The following SLCO3A1 variants were observed in gnomAD, a reference collection of about 807,000 sequenced individuals.
SLCO3A1 encodes the protein solute carrier organic anion transporter family member 3A1, also known as PGE1 transporter.
Under a neutral mutation model 63.1 loss-of-function variants are expected in SLCO3A1, and 27 were observed. The observed-to-expected ratio is 0.43, with a 90% CI of 0.32 to 0.59. The LOEUF is 0.59. Ranked by LOEUF, SLCO3A1 falls within the 20% of genes least tolerant of loss-of-function variation. The probability of loss-of-function intolerance (pLI) is 0.09; values close to 1 mark genes in which losing one functional copy is unlikely to be tolerated. For missense variants in SLCO3A1, 773 were observed against 945.8 expected, an observed-to-expected ratio of 0.82 and a Z score of 2.40; for synonymous variants, 473 against 409.9, an observed-to-expected ratio of 1.15 and a Z score of -1.86.
At chr15:91,986,583 A>G (rs942627241) in intron 2 of SLCO3A1, among the ~76,000 whole-genome samples, 11 of 151,690 alleles carry the variant, frequency 7.3e-5, no homozygotes, top group Non-Finnish European at 1.3e-4. Flanking sequence ...AGACGTTTAC[A>G]TTCTTTTAAA....
intron 1 of SLCO3A1, among the ~76,000 whole-genome samples, chr15:91,873,071 A>G (rs1191992607): frequency 6.6e-6 from 1 of 152,254 alleles, no homozygotes; most frequent in Non-Finnish European, 1.5e-5. Context: ...ACAAAATTAC[A>G]GAGTGTTCTG....
In SLCO3A1 at chr15:92,147,152, C is replaced by G; in HGVS notation, c.1681C>G (p.Leu561Val). The G allele has an allele frequency of 3.1e-6, 5 of 1,612,530 alleles. No individual in the cohort carries two copies. Among genetic ancestry groups the G allele is most frequent in the Non-Finnish European group, 4.2e-6 (5 of 1,179,056 alleles). The change falls in exon 8 of 10, where the codon CTC (leucine) becomes GTC (valine). Residue 561 changes from leucine (L) to valine (V), a missense_variant. Physicochemically the swap from Leu to Val is conservative, Grantham distance 32. Around this residue, in one of 3 missense-constraint regions of SLCO3A1, gnomAD observed 565 missense variants for 749.8 expected, o/e 0.75. Coordinates refer to ENST00000318445, the MANE Select transcript of SLCO3A1 (RefSeq NM_013272.4). ...AMAQTPSVIILIRTVSPELKS... is the reference protein window; with the variant it reads ...AMAQTPSVIIVIRTVSPELKS... ...GGCACAGACACCCTCAGTCATCATCCTCATCAGGTAAGCCCTCGGCACAGC... is the reference window on the plus strand; with the variant it reads ...GGCACAGACACCCTCAGTCATCATCGTCATCAGGTAAGCCCTCGGCACAGC...
intron 1 of SLCO3A1, among the ~76,000 whole-genome samples, chr15:91,888,421 A>G (rs1897781933): frequency 6.6e-6 from 1 of 152,206 alleles, no homozygotes; most frequent in African/African-American, 2.4e-5. Flanking sequence ...CAATCCAGTT[A>G]TACAAATGAC....
rs1896856883 is a variant in SLCO3A1, at chr15:91,854,361, C to T, written c.180+273C>T. On this transcript the variant is annotated intron_variant, in intron 1 of 9. Transcript: ENST00000318445. The surrounding 1 kb of genome is among the most constrained non-coding windows in gnomAD (Gnocchi z 6.4). ...GTGCCGGGGGAGGAGAGGCGGCGGG[C>T]AGGTGGGCGTGAAACTATTCCTCTC... 1 of 1,093,950 alleles carries T rather than the reference C, an allele frequency of 9.1e-7. No homozygotes were observed. The highest frequency in any genetic ancestry group is 1.1e-6 in the Non-Finnish European group (1 of 899,020). 67.8% of individuals were successfully genotyped at this position (1,093,950 alleles called of 1,614,324 possible).
intron 2 of SLCO3A1, among the ~76,000 whole-genome samples, chr15:92,001,889 G>A (rs1452986205): frequency 1.4e-5 from 2 of 141,284 alleles, no homozygotes; most frequent in Admixed American, 1.5e-4. Flanking sequence ...AGGCTGGAGT[G>A]CAGTGGCGTG....
At chr15:92,158,127 G>C (rs1287918525) in intron 9 of SLCO3A1, among the ~76,000 whole-genome samples, 5 of 152,192 alleles carry the variant, frequency 3.3e-5, no homozygotes, top group Non-Finnish European at 7.3e-5. Flanking sequence ...GAAATACTGA[G>C]TTTGTTTACA....
At chr15:92,171,946 C>T (rs1481368426) in exon 11 of SLCO3A1, 6 of 1,001,952 alleles carry the variant, frequency 6.0e-6, no homozygotes, top group Non-Finnish European at 9.2e-6. Context: ...GCGCTCCTCC[C>T]TGTCCGAGAA....
chr15:92,134,342 C>T (rs751831239), intron 7 of SLCO3A1, among the ~76,000 whole-genome samples: 34 of 152,148 alleles, frequency 2.2e-4, no homozygotes, highest in Non-Finnish European at 3.1e-4. Flanking sequence ...ACTGGGGCAT[C>T]GCCACCTGGG....
intron 2 of SLCO3A1, among the ~76,000 whole-genome samples, chr15:91,974,200 T>C (rs1167034146): frequency 2.0e-5 from 3 of 151,876 alleles, no homozygotes. Flanking sequence ...GGACAGCAGG[T>C]TCCAGAAAGC....
At chr15:92,008,010 G>A (rs947984544) in intron 2 of SLCO3A1, among the ~76,000 whole-genome samples, 15 of 152,264 alleles carry the variant, frequency 9.9e-5, no homozygotes, top group East Asian at 1.9e-4. Flanking sequence ...TCTCCGATGG[G>A]TCCAGAAAGG....
In SLCO3A1 at chr15:91,954,179, C is replaced by T. The variant is rs930511837; in HGVS notation, c.646+37721C>T. On this transcript the variant is annotated intron_variant, in intron 2 of 9. Transcript: ENST00000318445. This position sits in a 1 kb window ranked among gnomAD's most constrained non-coding sequence, Gnocchi z 4.7. The stretch of plus-strand genomic sequence containing the variant: ...TTTTGACCTCCTAGACCTCTCTGCT[C>T]AAGGGTGTTAGAGACAGACCCCTAG... Among the ~76,000 whole-genome samples the T allele has an allele frequency of 6.6e-6, 1 of 152,214 alleles. No homozygotes were observed. Among genetic ancestry groups the T allele is most frequent in the African/African-American group, 2.4e-5 (1 of 41,454 alleles).
rs985666513 is a variant in SLCO3A1, at chr15:92,172,014, G to T, written c.*152G>T. The T allele has an allele frequency of 9.4e-6, 6 of 639,312 alleles. No individual in the cohort carries two copies. In the East Asian group the frequency reaches 1.4e-4, roughly 15 times the overall value. The allele number at this position is 639,312 out of a possible 1,614,324, so 39.6% of individuals were successfully genotyped here. ...TGTGTGGTCCTTTGAGGCCCCAAGC[G>T]CAGGCCTGTGATGAGGACCAAAGAG... On this transcript the variant is annotated 3_prime_UTR_variant, in exon 11 of 11. Transcript: ENST00000424469.
rs2046201426 is a variant in SLCO3A1 at position 91,997,162 on chromosome 15, G to A, written c.646+80704G>A. ...AATGACTTCTGTAAAGTTTCAGGAT[G>A]CAAAATCAATGTACAAAAATCAGTA... On this transcript the variant is annotated intron_variant, in intron 2 of 9. Coordinates refer to ENST00000318445, the MANE Select transcript of SLCO3A1 (RefSeq NM_013272.4). Among the ~76,000 whole-genome samples, 4 of 152,160 alleles carry A rather than the reference G, an allele frequency of 2.6e-5. No individual in the cohort carries two copies. The South Asian group carries it at 8.3e-4, about 32-fold the overall frequency.
At chr15:91,960,290 G>A (rs1307598878) in intron 2 of SLCO3A1, among the ~76,000 whole-genome samples, 1 of 152,164 alleles carries the variant, frequency 6.6e-6, no homozygotes, top group East Asian at 1.9e-4. Context: ...GCCTTATGTG[G>A]CCTTTTATGA....
intron 2 of SLCO3A1, among the ~76,000 whole-genome samples, chr15:91,952,116 T>G (rs146970070): frequency 6.6e-6 from 1 of 152,252 alleles, no homozygotes; most frequent in African/African-American, 2.4e-5. Flanking sequence ...TAATGACTAA[T>G]GATGTTAAGC....
At chr15:91,969,776 C>T (rs1426355123) in intron 2 of SLCO3A1, among the ~76,000 whole-genome samples, 1 of 152,198 alleles carries the variant, frequency 6.6e-6, no homozygotes, top group Non-Finnish European at 1.5e-5. Context: ...GAGAAGTCCC[C>T]ATTTTTCAGT....
rs1363366760 is a variant in SLCO3A1 at position 91,993,186 on chromosome 15, C to G, written c.646+76728C>G. ...AGAAGGAGCTTGCCCACAATTGTCT[C>G]TGGATGCATACTAGTCTTTGTACGA... On this transcript the variant is annotated intron_variant, in intron 2 of 9. Transcript: ENST00000318445. Among the ~76,000 whole-genome samples, 39 of 152,224 alleles carry G rather than the reference C, an allele frequency of 2.6e-4. 1 individual carries two copies. Among genetic ancestry groups the G allele is most frequent in the Admixed American group, 2.6e-3 (39 of 15,284 alleles).
At chr15:91,910,573 G>T (rs558582873) in intron 1 of SLCO3A1, among the ~76,000 whole-genome samples, 1 of 152,344 alleles carries the variant, frequency 6.6e-6, no homozygotes, top group South Asian at 2.1e-4. Context: ...GTCCGCAGAA[G>T]CAAGTATTGT....
Position 91,917,214 on chromosome 15 carries a change from A to G in SLCO3A1, c.646+756A>G, listed in dbSNP as rs529964001. ...CATCTCTATCCCTTGTTTACAAAGTATAATTCTGTCTCCTGCCAGCTGCTG... is the reference window on the plus strand; with the variant it reads ...CATCTCTATCCCTTGTTTACAAAGTGTAATTCTGTCTCCTGCCAGCTGCTG... On this transcript the variant is annotated intron_variant, in intron 2 of 9. Transcript: ENST00000318445. 3.9e-5 allele frequency among the ~76,000 whole-genome samples: 6 copies of G among 152,230 alleles called. No individual in the cohort carries two copies. In the South Asian group the frequency reaches 1.0e-3, roughly 26 times the overall value.
Sources: allele counts gnomAD v4.1 joint callset (sites outside exome capture counted in the v4.1 genomes callset), GRCh38; gene constraint gnomAD v4.1.1; regional missense constraint gnomAD v4.1.1; non-coding constraint Gnocchi (gnomAD v3.1); transcripts MANE v1.5; gene names NCBI Gene and HGNC (gene_info 2026-07-23, HGNC 2026-07-21).